Variants in NALF1 observed in about 807,000 individuals in gnomAD.
The protein encoded by NALF1 is family with sequence similarity 155 member A.
Under a neutral mutation model 48.4 loss-of-function variants are expected in NALF1, and 3 were observed. That is an observed-to-expected ratio of 0.06 (90% CI 0.03 to 0.16). The LOEUF (loss-of-function observed/expected upper bound fraction) is 0.16, where lower values mean the gene tolerates loss of function less well. Among genes scored for constraint, NALF1 ranks in the 10% least tolerant of loss-of-function variants. The pLI is 1.00. For missense variants in NALF1, 526 were observed against 571.5 expected (o/e 0.92, Z 0.81); for synonymous variants, 262 against 245.7 (o/e 1.07, Z -0.62).
chr13:107,291,606 C>A lies in NALF1; in HGVS notation c.916-80851G>T, dbSNP rs528505578. Among the ~76,000 whole-genome samples, 5 of 152,082 alleles carry A rather than the reference C, an allele frequency of 3.3e-5. No individual in the cohort carries two copies. In the East Asian group the frequency reaches 7.7e-4, roughly 24 times the overall value. On this transcript the variant is annotated intron_variant, in intron 1 of 2. Transcript: ENST00000375915. ...AAAAAAAGGTTAATTGTAAGCACTT[C>A]TTGTTCCAGATACTTTGGATAAGGG...
chr13:107,717,477 T>C (rs1241859740), intron 1 of NALF1, among the ~76,000 whole-genome samples: 1 of 151,912 alleles, frequency 6.6e-6, no homozygotes, highest in Non-Finnish European at 1.5e-5. Flanking sequence ...TGGAAAATCA[T>C]TAAAAGTGAA....
intron 1 of NALF1, among the ~76,000 whole-genome samples, chr13:107,398,248 A>G (rs1366997628): frequency 6.6e-6 from 1 of 152,144 alleles, no homozygotes; most frequent in African/African-American, 2.4e-5. Context: ...ACAACCACAA[A>G]AGCTTAACAT....
chr13:107,325,311 T>A (rs1388864010), intron 1 of NALF1, among the ~76,000 whole-genome samples: 3 of 152,218 alleles, frequency 2.0e-5, no homozygotes, highest in African/African-American at 7.2e-5. Context: ...GATGATGAGC[T>A]AATTTTTCCA....
intron 1 of NALF1, among the ~76,000 whole-genome samples, chr13:107,826,937 A>C (rs1356488335): frequency 6.6e-6 from 1 of 152,194 alleles, no homozygotes; most frequent in Non-Finnish European, 1.5e-5. Flanking sequence ...TTATGAGAAA[A>C]GCAAGTCCTT....
chr13:107,590,931 T>A (rs1329915881), intron 1 of NALF1, among the ~76,000 whole-genome samples: 1 of 151,982 alleles, frequency 6.6e-6, no homozygotes, highest in Non-Finnish European at 1.5e-5. Flanking sequence ...AGTTGATGGA[T>A]TAAACATAGA....
intron 2 of NALF1, among the ~76,000 whole-genome samples, chr13:107,187,630 G>A (rs575320443): frequency 3.9e-5 from 6 of 152,296 alleles, no homozygotes; most frequent in South Asian, 4.1e-4. Flanking sequence ...CCACGCATAC[G>A]TGGGAATGGA....
At chr13:107,624,733 T>C (rs1393234119) in intron 1 of NALF1, among the ~76,000 whole-genome samples, 1 of 152,214 alleles carries the variant, frequency 6.6e-6, no homozygotes, top group Admixed American at 6.5e-5. Flanking sequence ...CTTTGCCATG[T>C]AGCTACCAGT....
At chr13:107,861,036 T>C (rs1880555654) in intron 1 of NALF1, among the ~76,000 whole-genome samples, 1 of 152,236 alleles carries the variant, frequency 6.6e-6, no homozygotes, top group Admixed American at 6.5e-5. Flanking sequence ...ATGTATTCCA[T>C]GGTCTGTGAG....
chr13:107,699,311 G>A lies in NALF1; in HGVS notation c.915+166371C>T, dbSNP rs148230237. On this transcript the variant is annotated intron_variant, in intron 1 of 2. Transcript: ENST00000375915. ...ACTACTTGGAAAGATACATTACTGA[G>A]AACTGGACTCTGTTTTGATAGAGAG... Among the ~76,000 whole-genome samples, 352 of 152,074 alleles carry A rather than the reference G, an allele frequency of 2.3e-3. 5 individuals are homozygous for A. The highest frequency in any genetic ancestry group is 8.1e-3 in the African/African-American group (337 of 41,494).
At chr13:107,583,511 C>T (rs1001225654) in intron 1 of NALF1, among the ~76,000 whole-genome samples, 2 of 152,058 alleles carry the variant, frequency 1.3e-5, no homozygotes, top group African/African-American at 4.8e-5. Flanking sequence ...AGGAGTGATC[C>T]ATCAGAACAA....
chr13:107,746,571 A>G (rs1458782784), intron 1 of NALF1, among the ~76,000 whole-genome samples: 1 of 152,216 alleles, frequency 6.6e-6, no homozygotes, highest in African/African-American at 2.4e-5. Context: ...AATCTGTAAC[A>G]TTTACATTAA....
intron 1 of NALF1, among the ~76,000 whole-genome samples, chr13:107,216,225 C>A (rs563581323): frequency 1.3e-5 from 2 of 152,318 alleles, no homozygotes; most frequent in African/African-American, 2.4e-5. Context: ...CATTAGTCTG[C>A]GACAGCAACC....
chr13:107,495,478 C>T (rs1029730967), intron 1 of NALF1, among the ~76,000 whole-genome samples: 2 of 152,158 alleles, frequency 1.3e-5, no homozygotes, highest in Non-Finnish European at 2.9e-5. Context: ...GCAGAAAGTA[C>T]ACATATGAAT....
At chr13:107,296,458 C>A (rs548115714) in intron 1 of NALF1, among the ~76,000 whole-genome samples, 2 of 152,136 alleles carry the variant, frequency 1.3e-5, no homozygotes, top group South Asian at 4.2e-4. Context: ...TAATATGCTA[C>A]CTGAAAGATG....
At chr13:107,382,741 G>A (rs192022815) in intron 1 of NALF1, among the ~76,000 whole-genome samples, 56 of 152,236 alleles carry the variant, frequency 3.7e-4, no homozygotes, top group Non-Finnish European at 4.4e-4. Flanking sequence ...TGGTCGTTTG[G>A]TAAAATGCCC....
intron 2 of NALF1, among the ~76,000 whole-genome samples, chr13:107,198,259 A>G (rs1157334132): frequency 1.3e-5 from 2 of 152,184 alleles, no homozygotes; most frequent in East Asian, 3.9e-4. Context: ...ATTTAGGTCT[A>G]AAGTCTTCCA....
intron 1 of NALF1, among the ~76,000 whole-genome samples, chr13:107,234,955 C>T (rs553452607): frequency 9.2e-5 from 14 of 152,222 alleles, no homozygotes; most frequent in African/African-American, 3.4e-4. Context: ...GTACAGCTCC[C>T]ATGCCCCACC....
At chr13:107,170,889 G>T in intron 2 of NALF1, 103 bp from the exon 3 acceptor site, 1 of 1,021,210 alleles carries the variant, frequency 9.8e-7, no homozygotes, top group Non-Finnish European at 1.4e-6. Flanking sequence ...AATCTTACAG[G>T]CAATTAGACA....
intron 2 of NALF1, among the ~76,000 whole-genome samples, chr13:107,171,014 G>C (rs1878792818): frequency 6.6e-6 from 1 of 152,212 alleles, no homozygotes; most frequent in Non-Finnish European, 1.5e-5. Context: ...GTCATACCAT[G>C]AAAGTTCTGG....
Sources: allele counts gnomAD v4.1 joint callset (sites outside exome capture counted in the v4.1 genomes callset), GRCh38; gene constraint gnomAD v4.1.1; transcripts MANE v1.5; gene names NCBI Gene and HGNC (gene_info 2026-07-23, HGNC 2026-07-21).